Variants in MRC1 observed in about 807,000 individuals in gnomAD.
The protein encoded by MRC1 is mannose receptor C-type 1.
Under a neutral mutation model 102.9 loss-of-function variants are expected in MRC1, and 62 were observed. The observed-to-expected ratio is 0.60, with a 90% CI of 0.49 to 0.74. The LOEUF (loss-of-function observed/expected upper bound fraction) is 0.74, where lower values mean the gene tolerates loss of function less well. Among genes scored for constraint, MRC1 ranks in the 30% least tolerant of loss-of-function variants. MRC1 has a pLI of 0.00. For missense variants in MRC1, 1,237 were observed against 862.8 expected (o/e 1.43, Z -5.43); for synonymous variants, 457 against 298.4 (o/e 1.53, Z -5.48).
chr10:17,874,042 G>C (rs1234745082), intron 16 of MRC1, among the ~76,000 whole-genome samples: 12 of 152,206 alleles, frequency 7.9e-5, no homozygotes, highest in Admixed American at 7.9e-4. Context: ...AAGGGTTCAT[G>C]AATCAATTCC....
chr10:17,905,100 C>G (rs1184360999), intron 26 of MRC1, among the ~76,000 whole-genome samples: 1 of 152,104 alleles, frequency 6.6e-6, no homozygotes, highest in Non-Finnish European at 1.5e-5. Context: ...TAAGACAGGT[C>G]AAGTAATGGA....
chr10:17,845,031 G>T, intron 5 of MRC1: 2 of 725,890 alleles, frequency 2.8e-6, no homozygotes. Context: ...CTGATAATGG[G>T]GGAAAGGGTT....
At position 17,853,139 on chromosome 10, in the gene MRC1, A is replaced by G. The variant is rs1431504428; in HGVS notation, c.1407+15A>G. 1 of 780,460 alleles carries G rather than the reference A, an allele frequency of 1.3e-6. No homozygotes were observed. The highest frequency in any genetic ancestry group is 2.4e-5 in the East Asian group (1 of 41,250). The allele number at this position is 780,460 out of a possible 1,614,324, so 48.3% of individuals were successfully genotyped here. On this transcript the variant is annotated intron_variant, in intron 8 of 29. Coordinates refer to ENST00000569591, the MANE Select transcript of MRC1 (RefSeq NM_002438.4). The stretch of plus-strand genomic sequence containing the variant: ...TGAAAGGCAAGGTAAGGCCACTTGA[A>G]TGACTGATATTTATAATGAAAGTCA...
Position 17,860,554 on chromosome 10 carries a change from A to C in MRC1, c.1519-833A>C, listed in dbSNP as rs2130659553. On this transcript the variant is annotated intron_variant, in intron 9 of 29. Coordinates refer to ENST00000569591, the MANE Select transcript of MRC1 (RefSeq NM_002438.4). ...TCGACTCCCAAAGTGCTGGCGTTAC[A>C]GGCATATGCCACTGTGCCTGGCCAT... 2.0e-5 allele frequency among the ~76,000 whole-genome samples: 3 copies of C among 152,302 alleles called. 1 individual carries two copies. The Middle Eastern group carries it at 0.01, about 518-fold the overall frequency.
chr10:17,859,949 G>T (rs1398331951), intron 9 of MRC1, among the ~76,000 whole-genome samples: 3 of 152,140 alleles, frequency 2.0e-5, no homozygotes, highest in Non-Finnish European at 4.4e-5. Context: ...TCCTGCTTCT[G>T]TGGGCAGAAT....
At chr10:17,832,729 A>G (rs1589168714) in intron 3 of MRC1, among the ~76,000 whole-genome samples, 1 of 150,556 alleles carries the variant, frequency 6.6e-6, no homozygotes, top group East Asian at 2.0e-4. Context: ...CTGGGACTAC[A>G]GGCGCCCGCC....
chr10:17,845,577 A>T, intron 6 of MRC1, 142 bp downstream of exon 6: 1 of 713,598 alleles, frequency 1.4e-6, no homozygotes, highest in South Asian at 1.6e-5. Flanking sequence ...TTACTGCAAT[A>T]TTTCTGTGTG....
At chr10:17,827,450 T>TAAGAGA in intron 2 of MRC1, 92 bp from the exon 3 acceptor site, 4 of 601,326 alleles carry the variant, frequency 6.7e-6, no homozygotes, top group Admixed American at 4.0e-5. Context: ...ATCAGAACAG[T>TAAGAGA]AAGACCAATT....
At chr10:17,829,933 G>C (rs1162450196) in intron 3 of MRC1, among the ~76,000 whole-genome samples, 1 of 151,446 alleles carries the variant, frequency 6.6e-6, no homozygotes, top group East Asian at 1.9e-4. Flanking sequence ...CTTATTACTT[G>C]TATTTATGCC....
At chr10:17,898,515 T>C (rs1833785698) in intron 24 of MRC1, among the ~76,000 whole-genome samples, 1 of 152,226 alleles carries the variant, frequency 6.6e-6, no homozygotes. Flanking sequence ...CCTATTGCAT[T>C]AGACTATGAA....
At chr10:17,824,746 TGAG>T (rs1472882666) in intron 2 of MRC1, among the ~76,000 whole-genome samples, 1 of 152,118 alleles carries the variant, frequency 6.6e-6, no homozygotes, top group Non-Finnish European at 1.5e-5. Context: ...TTGTGCTAAT[TGAG>T]GAGTTTAACT....
chr10:17,815,339 G>A (rs903956784), intron 1 of MRC1, among the ~76,000 whole-genome samples: 1 of 152,186 alleles, frequency 6.6e-6, no homozygotes, highest in Non-Finnish European at 1.5e-5. Context: ...TAAGGTGAAC[G>A]AATTAGTGGG....
chr10:17,859,845 C>T (rs1833155667), intron 9 of MRC1, among the ~76,000 whole-genome samples: 3 of 152,214 alleles, frequency 2.0e-5, no homozygotes, highest in African/African-American at 7.2e-5. Context: ...AACTGTCACT[C>T]ATCTGCAGCA....
intron 6 of MRC1, among the ~76,000 whole-genome samples, chr10:17,846,153 C>G (rs1182160619): frequency 6.6e-6 from 1 of 152,056 alleles, no homozygotes; most frequent in Non-Finnish European, 1.5e-5. Context: ...GGTGATCTAC[C>G]CACCTCAGCC....
intron 21 of MRC1, among the ~76,000 whole-genome samples, chr10:17,885,024 A>C (rs1258208038): frequency 6.6e-6 from 1 of 152,228 alleles, no homozygotes; most frequent in East Asian, 1.9e-4. Flanking sequence ...TGCAACTTGC[A>C]CAAGTGTCTT....
In MRC1 at chr10:17,866,657, C is replaced by G; in HGVS notation, c.1879C>G (p.His627Asp). 1 of 780,824 alleles carries G rather than the reference C, an allele frequency of 1.3e-6. No individual in the cohort carries two copies. The highest frequency in any genetic ancestry group is 2.4e-6 in the Non-Finnish European group (1 of 417,958). The allele number at this position is 780,824 out of a possible 1,614,324, so 48.4% of individuals were successfully genotyped here. The stretch of plus-strand genomic sequence containing the variant: ...TGAAAAGGCAAAATTTGTGTGCAAG[C>G]ACTGGGCAGAAGGAGTAACCCACCC... ...CDEKAKFVCK[H>D]WAEGVTHPPK... Residue 627 changes from histidine to aspartate, a missense_variant, in exon 12 of 30, where the codon CAC (histidine) becomes GAC (aspartate). By Grantham distance (81) the His-to-Asp change is moderately conservative. Transcript: ENST00000569591.
chr10:17,830,788 C>G (rs1215452087), intron 3 of MRC1, among the ~76,000 whole-genome samples: 1 of 151,284 alleles, frequency 6.6e-6, no homozygotes, highest in Admixed American at 6.6e-5. Flanking sequence ...AGTGAAAGGT[C>G]AATTGCATTT....
intron 3 of MRC1, among the ~76,000 whole-genome samples, chr10:17,831,055 A>AT (rs34705004): frequency 0.45 from 64,255 of 141,782 alleles, 14,741 homozygotes; most frequent in Non-Finnish European, 0.47. Flanking sequence ...TACCTGGGTA[A>AT]TTTTTTTTTT....
At chr10:17,813,700 A>ATATTT (rs1401200082) in intron 1 of MRC1, among the ~76,000 whole-genome samples, 4 of 125,706 alleles carry the variant, frequency 3.2e-5, no homozygotes, top group African/African-American at 1.4e-4. Context: ...ATATATATAT[A>ATATTT]TTTTTTTTTT....
Sources: allele counts gnomAD v4.1 joint callset (sites outside exome capture counted in the v4.1 genomes callset), GRCh38; gene constraint gnomAD v4.1.1; transcripts MANE v1.5; gene names NCBI Gene and HGNC (gene_info 2026-07-23, HGNC 2026-07-21).